SLC30A5: variants seen among roughly 807,000 people sequenced by gnomAD.
The protein encoded by SLC30A5 is proton-coupled zinc antiporter SLC30A5.
In SLC30A5, 33 loss-of-function variants were observed where a neutral mutation model predicts 79.6. The ratio of observed to expected loss-of-function variants is 0.41; its 90% confidence interval spans 0.31 to 0.55. SLC30A5 has a LOEUF of 0.55. Among genes scored for constraint, SLC30A5 ranks in the 20% least tolerant of loss-of-function variants. The pLI is 0.20. For synonymous variants in SLC30A5, 299 were observed against 319.7 expected, an observed-to-expected ratio of 0.94 and a Z score of 0.69; for missense variants, 788 against 928.1, an observed-to-expected ratio of 0.85 and a Z score of 1.96.
chr5:69,126,928 C>T (rs1339130846), intron 14 of SLC30A5, among the ~76,000 whole-genome samples: 3 of 150,362 alleles, frequency 2.0e-5, no homozygotes, highest in Admixed American at 6.6e-5. Context: ...TTTTTGTTTC[C>T]TTCCCATTCT....
At chr5:69,125,846 G>T (rs995559352) in intron 14 of SLC30A5, among the ~76,000 whole-genome samples, 1 of 122,280 alleles carries the variant, frequency 8.2e-6, no homozygotes, top group Non-Finnish European at 1.7e-5. Flanking sequence ...ACTCCAGCCC[G>T]GGCCACAGAG....
At position 69,094,254 on chromosome 5, in the gene SLC30A5, G is replaced by A; in HGVS notation, c.-2G>A. The stretch of plus-strand genomic sequence containing the variant: ...CAGCGGCGGCGGCTCGTGAGCCCCG[G>A]GATGGAGGAGAAATACGGCGGGGAC... On this transcript the variant is annotated 5_prime_UTR_variant, in exon 1 of 16. Transcript: ENST00000396591. The A allele has an allele frequency of 8.8e-6, 11 of 1,246,048 alleles. No homozygotes were observed. Among genetic ancestry groups the A allele is most frequent in the Non-Finnish European group, 1.1e-5 (11 of 982,402 alleles). The allele number at this position is 1,246,048 out of a possible 1,614,324, so 77.2% of individuals were successfully genotyped here.
chr5:69,118,389 TATTA>T lies in SLC30A5; in HGVS notation c.1440-105_1440-102del. On this transcript the variant is annotated intron_variant, in intron 11 of 15. Transcript: ENST00000396591. Reference sequence around the variant, plus strand: ...ATTTAAAATATTGCTAATTTTCTATTATTAATTACTTAGTAGTATGAAAATTTGG... The same window carrying T: ...ATTTAAAATATTGCTAATTTTCTATTATTACTTAGTAGTATGAAAATTTGG... The T allele has an allele frequency of 9.1e-6, 6 of 657,566 alleles. 1 individual carries two copies. In the South Asian group the frequency reaches 1.4e-4, roughly 15 times the overall value. 40.7% of individuals were successfully genotyped at this position (657,566 alleles called of 1,614,324 possible). A position where few individuals can be genotyped will look rare whatever the true frequency, so the allele number is the denominator to read the frequency against.
chr5:69,119,845 C>A (rs1417379473), intron 12 of SLC30A5, among the ~76,000 whole-genome samples: 1 of 151,748 alleles, frequency 6.6e-6, no homozygotes, highest in Non-Finnish European at 1.5e-5. Flanking sequence ...CATAGTGAAA[C>A]CCCATCTCTA....
chr5:69,103,395 T>C (rs2111945406), intron 3 of SLC30A5, among the ~76,000 whole-genome samples: 1 of 152,306 alleles, frequency 6.6e-6, no homozygotes, highest in African/African-American at 2.4e-5. Flanking sequence ...CTTCTTATTC[T>C]GAAAGATTTA....
At position 69,116,338 on chromosome 5, in the gene SLC30A5, GGTT is replaced by G; in HGVS notation, c.1073-55_1073-53del. ...ATTTAGTGCCGACAGTTACTGTGTTGGTTTTGGTAGCTTAAACTTCGAAAATTT... is the reference window on the plus strand; with the variant it reads ...ATTTAGTGCCGACAGTTACTGTGTTGTTGGTAGCTTAAACTTCGAAAATTT... On this transcript the variant is annotated intron_variant, in intron 9 of 15. Coordinates refer to ENST00000396591, the MANE Select transcript of SLC30A5 (RefSeq NM_022902.5). This position sits in a 1 kb window ranked among gnomAD's most constrained non-coding sequence, Gnocchi z 4.0. 1 of 1,508,500 alleles carries G rather than the reference GGTT, an allele frequency of 6.6e-7. No individual in the cohort carries two copies. The highest frequency in any genetic ancestry group is 1.3e-5 in the South Asian group (1 of 74,814). 93.4% of individuals were successfully genotyped at this position (1,508,500 alleles called of 1,614,324 possible).
chr5:69,110,091 T>G (rs1746191221), intron 5 of SLC30A5, among the ~76,000 whole-genome samples: 2 of 152,180 alleles, frequency 1.3e-5, no homozygotes, highest in Non-Finnish European at 2.9e-5. Flanking sequence ...TAGGACAACA[T>G]GAGTAAACGA....
intron 14 of SLC30A5, among the ~76,000 whole-genome samples, chr5:69,126,803 AC>A (rs200544266): frequency 0.011 from 1,413 of 129,468 alleles, 9 homozygotes; most frequent in Non-Finnish European, 0.018. Flanking sequence ...AACAACAACA[AC>A]AACAAAATAT....
At position 69,116,164 on chromosome 5, in the gene SLC30A5, A is replaced by G; in HGVS notation, c.1022A>G (p.Glu341Gly). 1 of 1,614,192 alleles carries G rather than the reference A, an allele frequency of 6.2e-7. No homozygotes were observed. Residue 341 changes from glutamate (E) to glycine (G), a missense_variant, in exon 9 of 16, where the codon GAA becomes GGA. By Grantham distance (98) the Glu-to-Gly change is moderately conservative. This residue lies in a region of SLC30A5 where 626 missense variants were observed against 755.5 expected (regional missense o/e 0.83). Transcript: ENST00000396591. This position sits in a 1 kb window ranked among gnomAD's most constrained non-coding sequence, Gnocchi z 4.0. The part of the protein sequence containing the change: ...MNKAAHQEST[E>G]HVLSGGVVVS... ...AAAGCAGCACACCAGGAGAGCACTG[A>G]ACACGTCCTGTCTGGAGGAGTGGTA...
At chr5:69,128,384 TG>T (rs1444424469) in intron 15 of SLC30A5, among the ~76,000 whole-genome samples, 1 of 151,700 alleles carries the variant, frequency 6.6e-6, no homozygotes, top group Admixed American at 6.6e-5. Context: ...CCCAAGTCGC[TG>T]GGATTATAGG....
In SLC30A5 at chr5:69,106,293, C is replaced by T. The variant is rs183203632; in HGVS notation, c.359+1577C>T. 7.2e-5 allele frequency among the ~76,000 whole-genome samples: 11 copies of T among 152,104 alleles called. No homozygotes were observed. In the South Asian group the frequency reaches 8.3e-4, roughly 11 times the overall value. On this transcript the variant is annotated intron_variant, in intron 4 of 15. Coordinates refer to ENST00000396591, the MANE Select transcript of SLC30A5 (RefSeq NM_022902.5). ...CCTAGCTTGGGAAGAGGTTTTTCAC[C>T]GTATGCTTGAATATGATTGAGTGCT...
At chr5:69,113,084 T>G (rs968747723) in intron 5 of SLC30A5, 56 bp from the exon 6 acceptor site, 1 of 1,364,308 alleles carries the variant, frequency 7.3e-7, no homozygotes, top group Non-Finnish European at 1.0e-6. Flanking sequence ...GTAGTTACGG[T>G]CTTAAAAATC....
intron 12 of SLC30A5, among the ~76,000 whole-genome samples, chr5:69,119,110 A>G (rs1746468216): frequency 6.6e-6 from 1 of 152,080 alleles, no homozygotes; most frequent in South Asian, 2.1e-4. Context: ...CAGCTATAGC[A>G]ACTTTTAATG....
chr5:69,128,142 T>C lies in SLC30A5; in HGVS notation c.2127+10T>C. ...AAGAATAGTACAGCAGGTAATCTTTTGTTTTTAAAGTAATTTTAATTGAGG... is the reference window on the plus strand; with the variant it reads ...AAGAATAGTACAGCAGGTAATCTTTCGTTTTTAAAGTAATTTTAATTGAGG... On this transcript the variant is annotated intron_variant, in intron 15 of 15. Transcript: ENST00000396591. 1 of 1,602,050 alleles carries C rather than the reference T, an allele frequency of 6.2e-7. No homozygotes were observed. The highest frequency in any genetic ancestry group is 1.1e-5 in the South Asian group (1 of 89,344).
chr5:69,102,782 AC>A (rs1332103811), intron 2 of SLC30A5: 3 of 175,228 alleles, frequency 1.7e-5, no homozygotes, highest in African/African-American at 7.4e-5. Flanking sequence ...AATTGCTTGA[AC>A]CCGGGAGGCA....
In SLC30A5 at chr5:69,117,360, T is replaced by A; in HGVS notation, c.1403T>A (p.Met468Lys). Residue 468 changes from methionine to lysine, a missense_variant, in exon 11 of 16, where the codon ATG becomes AAG. Coordinates refer to ENST00000396591, the MANE Select transcript of SLC30A5 (RefSeq NM_022902.5). ...ALVMGLFAAL[M>K]SRWKATRIFS... The stretch of plus-strand genomic sequence containing the variant: ...GTCATGGGACTTTTTGCTGCCCTGA[T>A]GAGTAGGTGGAAAGCCACTCGGATT... The A allele has an allele frequency of 6.2e-7, 1 of 1,614,130 alleles. No homozygotes were observed. Among genetic ancestry groups the A allele is most frequent in the Non-Finnish European group, 8.5e-7 (1 of 1,180,006 alleles).
rs763500129 is a variant in SLC30A5, at chr5:69,123,209, A to G, written c.1782A>G (p.Leu594=). The G allele has an allele frequency of 3.1e-6, 5 of 1,596,602 alleles. No individual in the cohort carries two copies. In the South Asian group the frequency reaches 4.5e-5, roughly 14 times the overall value. Residue 594 remains leucine, a synonymous_variant, in exon 14 of 16, where the codon CTA becomes CTG. Coordinates refer to ENST00000396591, the MANE Select transcript of SLC30A5 (RefSeq NM_022902.5). ...ATATTTTATTTGTAGGTGTATTTCT[A>G]CATGTTTTGGCAGATACACTTGGCA... The part of the protein sequence containing the change: ...GMNANMRGVF[L]HVLADTLGSI...
At chr5:69,114,392 T>C (rs746233230) in intron 6 of SLC30A5, 28 bp from the exon 7 acceptor site, 8 of 1,472,256 alleles carry the variant, frequency 5.4e-6, no homozygotes, top group Non-Finnish European at 2.8e-6. Flanking sequence ...CTTTTTGGAA[T>C]TTTTTTCCTT....
rs2111959841 is a variant in SLC30A5, at chr5:69,108,395, C to T, written c.406C>T (p.Leu136Phe). The T allele has an allele frequency of 6.2e-7, 1 of 1,613,838 alleles. No individual in the cohort carries two copies. Among genetic ancestry groups the T allele is most frequent in the East Asian group, 2.2e-5 (1 of 44,874 alleles). Residue 136 changes from leucine to phenylalanine, a missense_variant, in exon 5 of 16, where the codon CTC becomes TTC. Around this residue, in one of 3 missense-constraint regions of SLC30A5, gnomAD observed 626 missense variants for 755.5 expected, o/e 0.83. Transcript: ENST00000396591. ...CAGTGATATTGTTGTCATTTCACTA[C>T]TCAGTGTTTTGTTCACCAGTTCTGG... ...EHSDIVVISL[L>F]SVLFTSSGGG...
Sources: gnomAD v4.1 joint callset for allele counts (sites outside exome capture counted in the v4.1 genomes callset) on GRCh38, gnomAD v4.1.1 for gene constraint, gnomAD v4.1.1 regional missense constraint, Gnocchi (gnomAD v3.1) non-coding constraint, MANE v1.5 for transcripts, NCBI Gene and HGNC (gene_info 2026-07-23, HGNC 2026-07-21) for gene names.